The following KIF24 variants were observed in gnomAD, a reference collection of about 807,000 sequenced individuals.
KIF24 encodes the protein kinesin family member 24.
In KIF24, 81 loss-of-function variants were observed where a neutral mutation model predicts 118.9. The ratio of observed to expected loss-of-function variants is 0.68; its 90% confidence interval spans 0.57 to 0.82. The LOEUF (loss-of-function observed/expected upper bound fraction) is 0.82. Among genes scored for constraint, KIF24 ranks in the 40% least tolerant of loss-of-function variants. The probability of loss-of-function intolerance (pLI) is 0.00; values close to 1 mark genes in which losing one functional copy is unlikely to be tolerated. For synonymous variants in KIF24, 599 were observed against 610.0 expected (o/e 0.98, Z 0.27); for missense variants, 1,560 against 1,661.6 (o/e 0.94, Z 1.06).
At chr9:34,309,542 A>G (rs1260978655) in intron 2 of KIF24, among the ~76,000 whole-genome samples, 1 of 148,442 alleles carries the variant, frequency 6.7e-6, no homozygotes. Context: ...CTCCGTCTCA[A>G]AAAAAAAAAA....
Position 34,311,144 on chromosome 9 carries a change from T to C in KIF24, c.203A>G (p.Asp68Gly), listed in dbSNP as rs1299834677. The C allele has an allele frequency of 6.2e-7, 1 of 1,613,724 alleles. No individual in the cohort carries two copies. Among genetic ancestry groups the C allele is most frequent in the South Asian group, 1.1e-5 (1 of 91,068 alleles). ...IKIIKIMQEE[D>G]KAVSIPERHL... is the part of the protein sequence containing the mutation. ...ACGCTCTGGGATACTGACTGCTTTA[T>C]CTTCTTCTTGCATAATCTTAATAAT... is the stretch of plus-strand genomic sequence containing the variant. Residue 68 changes from aspartate to glycine, a missense_variant, in exon 2 of 13, where the codon GAT becomes GGT. Asp to Gly is a moderately conservative substitution (Grantham distance 94, BLOSUM62 -1). Around this residue, in one of 3 missense-constraint regions of KIF24, gnomAD observed 964 missense variants for 988.0 expected, o/e 0.98. Coordinates refer to ENST00000402558, the MANE Select transcript of KIF24 (RefSeq NM_194313.4).
Position 34,318,728 on chromosome 9 carries a change from G to C in KIF24, c.-25-7357C>G, listed in dbSNP as rs543431696. ...GCAGCTGAGCGACGAGGAGGTGCAC[G>C]CCGGCGTGGGCGAGCCGCTGCGTTC... On this transcript the variant is annotated intron_variant, in intron 1 of 12. Coordinates refer to ENST00000402558, the MANE Select transcript of KIF24 (RefSeq NM_194313.4). This position sits in a 1 kb window ranked among gnomAD's most constrained non-coding sequence, Gnocchi z 4.9. The C allele has an allele frequency of 8.0e-6, 12 of 1,502,866 alleles. No individual in the cohort carries two copies. The highest frequency in any genetic ancestry group is 1.9e-5 in the Admixed American group (1 of 53,002). 93.1% of individuals were successfully genotyped at this position (1,502,866 alleles called of 1,614,324 possible). A position where few individuals can be genotyped will look rare whatever the true frequency, so the allele number is the denominator to read the frequency against.
intron 8 of KIF24, among the ~76,000 whole-genome samples, chr9:34,264,764 A>G (rs912053105): frequency 1.3e-5 from 2 of 152,058 alleles, no homozygotes; most frequent in Non-Finnish European, 2.9e-5. Flanking sequence ...TTTAAATAAA[A>G]AAAGTTTGGC....
intron 3 of KIF24, among the ~76,000 whole-genome samples, chr9:34,302,150 A>G (rs1587956536): frequency 6.6e-6 from 1 of 151,184 alleles, no homozygotes; most frequent in East Asian, 2.0e-4. Context: ...GCCTGCCACC[A>G]TGCCTGACTA....
intron 8 of KIF24, among the ~76,000 whole-genome samples, chr9:34,265,153 A>C (rs962530642): frequency 6.6e-6 from 1 of 152,188 alleles, no homozygotes; most frequent in Non-Finnish European, 1.5e-5. Flanking sequence ...CTTTAAAACC[A>C]CATAATTTTT....
rs905058280 is a variant in KIF24, at chr9:34,295,388, T to A, written c.911+1629A>T. Among the ~76,000 whole-genome samples the A allele has an allele frequency of 1.6e-4, 25 of 151,618 alleles. No homozygotes were observed. The East Asian group carries it at 2.0e-3, about 12-fold the overall frequency. Reference sequence around the variant, plus strand: ...ATGCCTGGCTAATTAAAAAAAAAAATTTTATAGACCAGGCATGGTGGCTCA... The same window carrying A: ...ATGCCTGGCTAATTAAAAAAAAAAAATTTATAGACCAGGCATGGTGGCTCA... On this transcript the variant is annotated intron_variant, in intron 4 of 12. Transcript: ENST00000402558.
intron 1 of KIF24, among the ~76,000 whole-genome samples, chr9:34,313,729 C>T (rs1321690707): frequency 1.4e-5 from 2 of 147,594 alleles, no homozygotes; most frequent in African/African-American, 2.5e-5. Context: ...ATAGCTTCCC[C>T]CGTTATCTGT....
chr9:34,270,692 A>C (rs1406701325), intron 7 of KIF24, among the ~76,000 whole-genome samples: 3 of 151,104 alleles, frequency 2.0e-5, no homozygotes, highest in Non-Finnish European at 4.4e-5. Flanking sequence ...TCCTAGGCTC[A>C]AGAGATTCTC....
At chr9:34,267,514 T>C (rs1185257399) in intron 8 of KIF24, among the ~76,000 whole-genome samples, 1 of 152,088 alleles carries the variant, frequency 6.6e-6, no homozygotes, top group Non-Finnish European at 1.5e-5. Flanking sequence ...ACAGAAATAA[T>C]ACATGAGCCA....
At chr9:34,269,400 CTTTAT>C (rs111539052) in intron 7 of KIF24, 38 bp from the exon 8 acceptor site, 126 of 906,544 alleles carry the variant, frequency 1.4e-4, no homozygotes, top group East Asian at 4.2e-4. Context: ...TTCTGTGAAG[CTTTAT>C]TTTATTTTAT....
At position 34,263,086 on chromosome 9, in the gene KIF24, C is replaced by A. The variant is rs747911488; in HGVS notation, c.1515+15G>T. The A allele has an allele frequency of 1.9e-6, 3 of 1,597,234 alleles. No individual in the cohort carries two copies. In the South Asian group the frequency reaches 3.3e-5, roughly 18 times the overall value. On this transcript the variant is annotated intron_variant, in intron 9 of 12. Coordinates refer to ENST00000402558, the MANE Select transcript of KIF24 (RefSeq NM_194313.4). ...AATGAATCAGAACAAACTCAAGGCT[C>A]ACATTTAACTTTACCTGAGTTAGTT...
At chr9:34,303,626 G>C (rs1455315573) in intron 3 of KIF24, among the ~76,000 whole-genome samples, 1 of 152,122 alleles carries the variant, frequency 6.6e-6, no homozygotes, top group Non-Finnish European at 1.5e-5. Context: ...AAGGCAGGTG[G>C]ATTGCTTGAG....
chr9:34,289,577 T>A (rs1426873198), intron 5 of KIF24, among the ~76,000 whole-genome samples: 1 of 152,206 alleles, frequency 6.6e-6, no homozygotes, highest in Non-Finnish European at 1.5e-5. Context: ...TCAGTTTAAG[T>A]CATCTGTTTC....
chr9:34,266,771 TAAAATGAGCCTAGA>T (rs954975711), intron 8 of KIF24, among the ~76,000 whole-genome samples: 1 of 151,388 alleles, frequency 6.6e-6, no homozygotes, highest in African/African-American at 2.4e-5. Context: ...GGGAAATGTA[TAAAATGAGCCTAGA>T]ACATAGGCTC....
At chr9:34,298,561 G>A (rs1836575546) in intron 3 of KIF24, among the ~76,000 whole-genome samples, 1 of 150,760 alleles carries the variant, frequency 6.6e-6, no homozygotes, top group African/African-American at 2.4e-5. Flanking sequence ...AAAAAAAAGA[G>A]ACAGAATACT....
intron 8 of KIF24, among the ~76,000 whole-genome samples, chr9:34,266,394 C>T (rs1159603407): frequency 1.3e-5 from 2 of 152,044 alleles, no homozygotes; most frequent in African/African-American, 2.4e-5. Context: ...AAAACCAAGG[C>T]TCAACCAGGC....
intron 1 of KIF24, among the ~76,000 whole-genome samples, chr9:34,311,705 TATACGTATATATGTATATAC>T (rs1484208811): frequency 6.8e-6 from 1 of 146,092 alleles, no homozygotes; most frequent in East Asian, 2.1e-4. Flanking sequence ...TATGTACATA[TATACGTATATATGTATATAC>T]ACGTATATAT....
At chr9:34,304,649 C>A (rs1271594428) in intron 3 of KIF24, among the ~76,000 whole-genome samples, 1 of 152,046 alleles carries the variant, frequency 6.6e-6, no homozygotes, top group Non-Finnish European at 1.5e-5. Context: ...CATTGATCAG[C>A]AATCGATAAG....
chr9:34,254,997 C>A, intron 12 of KIF24, 75 bp downstream of exon 12: 1 of 1,035,080 alleles, frequency 9.7e-7, no homozygotes, highest in Non-Finnish European at 1.5e-6. Flanking sequence ...ACAGCCACAG[C>A]AAACAAGGAT....
Sources: allele counts gnomAD v4.1 joint callset (sites outside exome capture counted in the v4.1 genomes callset), GRCh38; gene constraint gnomAD v4.1.1; regional missense constraint gnomAD v4.1.1; non-coding constraint Gnocchi (gnomAD v3.1); transcripts MANE v1.5; gene names NCBI Gene and HGNC (gene_info 2026-07-23, HGNC 2026-07-21).